The following AHCYL2 variants were observed in gnomAD, a reference collection of about 807,000 sequenced individuals.
AHCYL2 encodes S-adenosylhomocysteine hydrolase-like protein 2.
In AHCYL2, 28 loss-of-function variants were observed where a neutral mutation model predicts 81.4. That is an observed-to-expected ratio of 0.34 (90% CI 0.25 to 0.47). AHCYL2 has a LOEUF of 0.47. Among genes scored for constraint, AHCYL2 ranks in the 20% least tolerant of loss-of-function variants. The pLI is 1.00. For missense variants in AHCYL2, 551 were observed against 785.1 expected (o/e 0.70, Z 3.56); for synonymous variants, 272 against 290.2 (o/e 0.94, Z 0.64).
intron 1 of AHCYL2, among the ~76,000 whole-genome samples, chr7:129,239,442 T>G (rs1429636365): frequency 6.6e-6 from 1 of 151,814 alleles, no homozygotes; most frequent in Non-Finnish European, 1.5e-5. Flanking sequence ...TTTTTTTTTT[T>G]TTTTAGAGAT....
rs928117741 is a variant in AHCYL2 at position 129,368,061 on chromosome 7, C to T, written c.364-11577C>T. On this transcript the variant is annotated intron_variant, in intron 1 of 16. Transcript: ENST00000325006. The surrounding 1 kb of genome is among the most constrained non-coding windows in gnomAD (Gnocchi z 4.4). ...CTCAGTCTTTATTGATCTTGGTATC[C>T]GCACCTCCAGTGACGTGTCCTGAAG... is the stretch of plus-strand genomic sequence containing the variant. The T allele has an allele frequency of 2.7e-5, 26 of 980,244 alleles. No homozygotes were observed. Among genetic ancestry groups the T allele is most frequent in the South Asian group, 9.4e-5 (2 of 21,340 alleles). The allele number at this position is 980,244 out of a possible 1,614,324, so 60.7% of individuals were successfully genotyped here. A position where few individuals can be genotyped will look rare whatever the true frequency, so the allele number is the denominator to read the frequency against.
intron 1 of AHCYL2, among the ~76,000 whole-genome samples, chr7:129,347,565 T>C (rs1048899213): frequency 6.6e-6 from 1 of 152,240 alleles, no homozygotes; most frequent in African/African-American, 2.4e-5. Flanking sequence ...GGTATTTATG[T>C]GTTCACTTGT....
At chr7:129,321,743 G>GTTTTTTTTTTTTTTTTTTTTTTTTTTTTT in intron 1 of AHCYL2, among the ~76,000 whole-genome samples, 24 of 77,616 alleles carry the variant, frequency 3.1e-4, no homozygotes, top group South Asian at 5.4e-4. Flanking sequence ...TTCTTTCTTT[G>GTTTTTTTTTTTTTTTTTTTTTTTTTTTTT]TTTTTTTTTT....
chr7:129,315,776 T>C (rs1797808457), intron 1 of AHCYL2, among the ~76,000 whole-genome samples: 2 of 152,106 alleles, frequency 1.3e-5, no homozygotes, highest in African/African-American at 4.8e-5. Context: ...GGAGATAGGT[T>C]TGAGTGTAGG....
chr7:129,423,972 G>T (rs563820228), intron 13 of AHCYL2, among the ~76,000 whole-genome samples: 1 of 152,118 alleles, frequency 6.6e-6, no homozygotes, highest in African/African-American at 2.4e-5. Context: ...GCCCTAGGAG[G>T]TCCCACCTGG....
chr7:129,239,203 G>C (rs1162768850), intron 1 of AHCYL2, among the ~76,000 whole-genome samples: 1 of 152,160 alleles, frequency 6.6e-6, no homozygotes, highest in Non-Finnish European at 1.5e-5. Flanking sequence ...TATAGTTAGA[G>C]ACAGTTTATT....
At chr7:129,298,133 A>T (rs1797117608) in intron 1 of AHCYL2, among the ~76,000 whole-genome samples, 1 of 152,232 alleles carries the variant, frequency 6.6e-6, no homozygotes, top group African/African-American at 2.4e-5. Flanking sequence ...TTTGATAGGA[A>T]AGACTCTAAC....
At chr7:129,297,329 G>A (rs1015067782) in intron 1 of AHCYL2, among the ~76,000 whole-genome samples, 2 of 152,094 alleles carry the variant, frequency 1.3e-5, no homozygotes, top group African/African-American at 4.8e-5. Context: ...TCTTAGGACC[G>A]GGCTGAGTTG....
intron 1 of AHCYL2, among the ~76,000 whole-genome samples, chr7:129,248,100 A>G (rs980596053): frequency 1.3e-5 from 2 of 152,198 alleles, no homozygotes; most frequent in Admixed American, 6.5e-5. Context: ...TGAAAGAACT[A>G]TCCTTTCCTC....
intron 1 of AHCYL2, among the ~76,000 whole-genome samples, chr7:129,237,327 C>T (rs1379460165): frequency 6.6e-6 from 1 of 152,010 alleles, no homozygotes; most frequent in Non-Finnish European, 1.5e-5. Flanking sequence ...CTATTTGTTC[C>T]CAAATAAAAT....
At chr7:129,382,281 G>T (rs890001791) in intron 2 of AHCYL2, among the ~76,000 whole-genome samples, 42 of 152,018 alleles carry the variant, frequency 2.8e-4, no homozygotes, top group African/African-American at 1.0e-3. Context: ...AAAAACTTGG[G>T]GCCCATTTTC....
intron 1 of AHCYL2, among the ~76,000 whole-genome samples, chr7:129,273,660 A>G (rs563713860): frequency 8.5e-5 from 13 of 152,260 alleles, no homozygotes; most frequent in Admixed American, 6.5e-4. Flanking sequence ...ATGCCTCACA[A>G]AACCTTTCAA....
chr7:129,413,534 T>G (rs1331530742), intron 11 of AHCYL2, 60 bp from the exon 12 acceptor site: 1 of 1,300,448 alleles, frequency 7.7e-7, no homozygotes, highest in African/African-American at 1.5e-5. Flanking sequence ...GCACATTTAT[T>G]TTCTCATTCT....
At chr7:129,394,385 C>T (rs962253042) in intron 4 of AHCYL2, among the ~76,000 whole-genome samples, 8 of 150,242 alleles carry the variant, frequency 5.3e-5, no homozygotes, top group Non-Finnish European at 1.0e-4. Flanking sequence ...TGATGATAAA[C>T]CTGTTGAAGG....
chr7:129,281,955 C>T (rs964767195), intron 1 of AHCYL2, among the ~76,000 whole-genome samples: 4 of 152,176 alleles, frequency 2.6e-5, no homozygotes, highest in Non-Finnish European at 5.9e-5. Flanking sequence ...GAAACACTTC[C>T]TAATTTCCCT....
rs1011818657 is a variant in AHCYL2 at position 129,240,701 on chromosome 7, C to T, written c.363+15262C>T. Among the ~76,000 whole-genome samples, 10 of 151,838 alleles carry T rather than the reference C, an allele frequency of 6.6e-5. No homozygotes were observed. The East Asian group carries it at 1.7e-3, about 26-fold the overall frequency. ...TGCTGGTTAAGCAGAGTTTTATGCTCAGTCTCCTTTGGCACTAATTAACAC... is the reference window on the plus strand; with the variant it reads ...TGCTGGTTAAGCAGAGTTTTATGCTTAGTCTCCTTTGGCACTAATTAACAC... On this transcript the variant is annotated intron_variant, in intron 1 of 16. Coordinates refer to ENST00000325006, the MANE Select transcript of AHCYL2 (RefSeq NM_015328.4).
intron 2 of AHCYL2, chr7:129,387,950 CA>C (rs754325883): frequency 6.6e-6 from 1 of 152,192 alleles, no homozygotes; most frequent in Non-Finnish European, 1.5e-5. Flanking sequence ...ATTAACTGGG[CA>C]AGGTCAGACT....
rs995538770 is a variant in AHCYL2 at position 129,428,785 on chromosome 7, T to A, written c.*1740T>A. ...AATGACTGTTTGCCTCATTTAATAG[T>A]ATACAGGCTCAGCCCATAGACTACA... On this transcript the variant is annotated 3_prime_UTR_variant, in exon 17 of 17. Coordinates refer to ENST00000325006, the MANE Select transcript of AHCYL2 (RefSeq NM_015328.4). 2 of 152,250 alleles carry A rather than the reference T, an allele frequency of 1.3e-5. No individual in the cohort carries two copies. The highest frequency in any genetic ancestry group is 6.5e-5 in the Admixed American group (1 of 15,292). 9.4% of individuals were successfully genotyped at this position (152,250 alleles called of 1,614,324 possible). A position where few individuals can be genotyped will look rare whatever the true frequency, so the allele number is the denominator to read the frequency against.
At chr7:129,226,495 T>A (rs1051792993) in intron 1 of AHCYL2, among the ~76,000 whole-genome samples, 2 of 152,190 alleles carry the variant, frequency 1.3e-5, no homozygotes, top group Admixed American at 6.5e-5. Context: ...ATGTTTTTTT[T>A]AAATTGTTGT....
Sources: allele counts gnomAD v4.1 joint callset (sites outside exome capture counted in the v4.1 genomes callset), GRCh38; gene constraint gnomAD v4.1.1; non-coding constraint Gnocchi (gnomAD v3.1); transcripts MANE v1.5; gene names NCBI Gene and HGNC (gene_info 2026-07-23, HGNC 2026-07-21).